Variants in DNAI1 observed in about 807,000 individuals in gnomAD.
DNAI1 encodes dynein axonemal intermediate chain 1.
DNAI1 carries 67 observed loss-of-function variants against 92.0 expected under a neutral mutation model. The ratio of observed to expected loss-of-function variants is 0.73; its 90% CI spans 0.60 to 0.89. DNAI1 has a LOEUF of 0.89. Ranked by LOEUF, DNAI1 falls within the 40% of genes least tolerant of loss-of-function variation. The pLI is 0.00. For synonymous variants in DNAI1, 323 were observed against 319.6 expected, an observed-to-expected ratio of 1.01 and a Z score of -0.11; for missense variants, 839 against 866.6, an observed-to-expected ratio of 0.97 and a Z score of 0.40.
intron 17 of DNAI1, 39 bp from the exon 18 acceptor site, chr9:34,514,601 C>G: frequency 8.1e-6 from 13 of 1,614,220 alleles, no homozygotes; most frequent in Non-Finnish European, 1.1e-5. Flanking sequence ...GCACTGTGAG[C>G]CCTCTGTGCC....
chr9:34,516,541 A>G (rs954175071), intron 18 of DNAI1, among the ~76,000 whole-genome samples: 2 of 152,122 alleles, frequency 1.3e-5, no homozygotes, highest in Admixed American at 1.3e-4. Flanking sequence ...TAACTGGTGT[A>G]AGCCCTGGCT....
At chr9:34,463,672 A>G (rs899980718) in intron 1 of DNAI1, among the ~76,000 whole-genome samples, 1 of 152,190 alleles carries the variant, frequency 6.6e-6, no homozygotes. Context: ...GTTGGTTACC[A>G]TAAAAAAAAA....
In DNAI1 at chr9:34,458,881, A is replaced by G. The variant is rs1823877636; in HGVS notation, c.-125A>G. On this transcript the variant is annotated 5_prime_UTR_variant, in exon 1 of 20. Coordinates refer to ENST00000242317, the MANE Select transcript of DNAI1 (RefSeq NM_012144.4). This position sits in a 1 kb window ranked among gnomAD's most constrained non-coding sequence, Gnocchi z 6.6. ...GGGACCCACAACGACGGCTGTCCCTAAAGAACCGTTGCGACTGGTAACTGA... is the reference window on the plus strand; with the variant it reads ...GGGACCCACAACGACGGCTGTCCCTGAAGAACCGTTGCGACTGGTAACTGA... 3 of 843,004 alleles carry G rather than the reference A, an allele frequency of 3.6e-6. No homozygotes were observed. Among genetic ancestry groups the G allele is most frequent in the South Asian group, 2.8e-5 (2 of 71,478 alleles). 52.2% of individuals were successfully genotyped at this position (843,004 alleles called of 1,614,324 possible). A position where few individuals can be genotyped will look rare whatever the true frequency, so the allele number is the denominator to read the frequency against.
chr9:34,507,463 T>C (rs533016108), intron 13 of DNAI1, among the ~76,000 whole-genome samples: 36 of 152,310 alleles, frequency 2.4e-4, no homozygotes, highest in South Asian at 8.3e-4. Context: ...TACTGTTCAT[T>C]AAATGTAAGT....
At chr9:34,517,769 A>G (rs1825198021) in intron 19 of DNAI1, among the ~76,000 whole-genome samples, 1 of 152,176 alleles carries the variant, frequency 6.6e-6, no homozygotes. Flanking sequence ...ATTTCTTCCC[A>G]GTGGAAATGC....
chr9:34,514,346 G>T, intron 16 of DNAI1, 48 bp from the exon 17 acceptor site: 1 of 1,606,940 alleles, frequency 6.2e-7, no homozygotes. Flanking sequence ...GGAAGTGGTG[G>T]CTGCTGACCT....
chr9:34,501,290 G>T, intron 12 of DNAI1, 109 bp downstream of exon 12: 3 of 935,194 alleles, frequency 3.2e-6, no homozygotes, highest in Admixed American at 1.7e-5. Context: ...ATGACTGCCC[G>T]CAGGGGGCTC....
intron 4 of DNAI1, among the ~76,000 whole-genome samples, chr9:34,485,736 C>A (rs1256471146): frequency 6.6e-6 from 1 of 152,116 alleles, no homozygotes; most frequent in Non-Finnish European, 1.5e-5. Flanking sequence ...TCTTAAGTGT[C>A]CTGCAGAGCC....
At chr9:34,481,560 C>A (rs997561525) in intron 1 of DNAI1, among the ~76,000 whole-genome samples, 3 of 152,196 alleles carry the variant, frequency 2.0e-5, no homozygotes, top group African/African-American at 7.2e-5. Context: ...AGCCGCGGAC[C>A]CTCGCGGTGA....
chr9:34,496,804 A>G (rs755348878), intron 9 of DNAI1, among the ~76,000 whole-genome samples: 1 of 152,136 alleles, frequency 6.6e-6, no homozygotes, highest in Non-Finnish European at 1.5e-5. Flanking sequence ...GCTCTCTTCA[A>G]TGCCCTGTCT....
chr9:34,489,323 G>A lies in DNAI1; in HGVS notation c.262G>A (p.Glu88Lys). Reference sequence around the variant, plus strand: ...TCTGACTCAGCCCCTCTCTTCTTAGGAAGGCACATATAAGCCTATTGGCTT... The same window carrying A: ...TCTGACTCAGCCCCTCTCTTCTTAGAAAGGCACATATAAGCCTATTGGCTT... Reference protein sequence around the residue: ...PQNIVRYSFKEGTYKPIGFVN... With the variant: ...PQNIVRYSFKKGTYKPIGFVN... The change falls in exon 5 of 20, where the codon GAA becomes AAA. Residue 88 changes from glutamate (E) to lysine (K), a missense_variant and splice_region_variant. Coordinates refer to ENST00000242317, the MANE Select transcript of DNAI1 (RefSeq NM_012144.4). The A allele has an allele frequency of 3.7e-6, 6 of 1,613,942 alleles. No homozygotes were observed. The highest frequency in any genetic ancestry group is 5.1e-6 in the Non-Finnish European group (6 of 1,179,930).
chr9:34,517,510 T>C, intron 19 of DNAI1, 43 bp downstream of exon 19: 1 of 1,612,456 alleles, frequency 6.2e-7, no homozygotes, highest in Non-Finnish European at 8.5e-7. Flanking sequence ...ACGTAAAGTC[T>C]CCAGGAGGGT....
At position 34,493,343 on chromosome 9, in the gene DNAI1, C is replaced by G; in HGVS notation, c.816+15C>G. The G allele has an allele frequency of 6.2e-7, 1 of 1,613,996 alleles. No homozygotes were observed. Among genetic ancestry groups the G allele is most frequent in the Non-Finnish European group, 8.5e-7 (1 of 1,179,886 alleles). Reference sequence around the variant, plus strand: ...TGGAGTCTCAGGTTTGGTGTTAGTTCCTACAGCTCTGCCACAGAATTTCTG... The same window carrying G: ...TGGAGTCTCAGGTTTGGTGTTAGTTGCTACAGCTCTGCCACAGAATTTCTG... On this transcript the variant is annotated intron_variant, in intron 9 of 19. Transcript: ENST00000242317.
chr9:34,488,277 A>T (rs1173311882), intron 4 of DNAI1: 1 of 173,530 alleles, frequency 5.8e-6, no homozygotes, highest in Non-Finnish European at 1.2e-5. Context: ...CAGAATAAAG[A>T]TTCAAACCCA....
intron 13 of DNAI1, among the ~76,000 whole-genome samples, chr9:34,509,659 T>C (rs1825025578): frequency 6.6e-6 from 1 of 152,042 alleles, no homozygotes. Context: ...ATGAGTGATT[T>C]TGAAGCCTGA....
At chr9:34,467,460 C>G (rs190935004) in intron 1 of DNAI1, among the ~76,000 whole-genome samples, 51 of 150,970 alleles carry the variant, frequency 3.4e-4, no homozygotes, top group Admixed American at 1.6e-3. Context: ...CACACACACA[C>G]ACACACACAC....
chr9:34,489,271 G>T (rs1353345926), intron 4 of DNAI1, 52 bp from the exon 5 acceptor site: 3 of 1,607,872 alleles, frequency 1.9e-6, no homozygotes, highest in African/African-American at 2.7e-5. Flanking sequence ...ATTACATTTT[G>T]ACTCCAGCTC....
At position 34,506,718 on chromosome 9, in the gene DNAI1, CG is replaced by C; in HGVS notation, c.1156del (p.Val386SerfsTer16). On this transcript the variant is annotated frameshift_variant, in exon 13 of 20. Transcript: ENST00000242317. LOFTEE classifies it high-confidence loss of function. ...PEYMFSSNSG[V>X]MCLDIHVDHP... Reference sequence around the variant, plus strand: ...AGTACATGTTCAGCAGCAACAGCGGCGTCATGTGTCTCGACATCCACGTGGA... The same window carrying C: ...AGTACATGTTCAGCAGCAACAGCGGCTCATGTGTCTCGACATCCACGTGGA... 1 of 1,614,188 alleles carries C rather than the reference CG, an allele frequency of 6.2e-7. No homozygotes were observed.
At chr9:34,469,448 A>G (rs1824100051) in intron 1 of DNAI1, among the ~76,000 whole-genome samples, 1 of 150,434 alleles carries the variant, frequency 6.6e-6, no homozygotes, top group South Asian at 2.1e-4. Flanking sequence ...TTTTTAATAT[A>G]TAGAGACAGG....
Sources: allele counts gnomAD v4.1 joint callset (sites outside exome capture counted in the v4.1 genomes callset), GRCh38; gene constraint gnomAD v4.1.1; non-coding constraint Gnocchi (gnomAD v3.1); transcripts MANE v1.5; gene names NCBI Gene and HGNC (gene_info 2026-07-23, HGNC 2026-07-21).